Variants in UNC13C observed in about 807,000 individuals in gnomAD.
UNC13C encodes the protein unc-13 homolog C, also known as protein unc-13 homolog C.
Under a neutral mutation model 245.4 loss-of-function variants are expected in UNC13C, and 174 were observed. The ratio of observed to expected loss-of-function variants is 0.71; its 90% CI spans 0.63 to 0.80. The LOEUF (loss-of-function observed/expected upper bound fraction) is 0.80. Among genes scored for constraint, UNC13C ranks in the 30% least tolerant of loss-of-function variants. The pLI, the probability that UNC13C is intolerant of heterozygous loss-of-function variation, is 0.00. For synonymous variants in UNC13C, 992 were observed against 895.1 expected (o/e 1.11, Z -1.93); for missense variants, 2,829 against 2,602.9 (o/e 1.09, Z -1.89).
intron 2 of UNC13C, among the ~76,000 whole-genome samples, chr15:54,029,370 T>C (rs1037762393): frequency 2.0e-5 from 3 of 152,238 alleles, no homozygotes; most frequent in African/African-American, 7.2e-5. Flanking sequence ...AGGCACATGA[T>C]ACAAACACGT....
At chr15:54,474,196 G>A (rs540192510) in intron 19 of UNC13C, among the ~76,000 whole-genome samples, 1 of 152,016 alleles carries the variant, frequency 6.6e-6, no homozygotes, top group East Asian at 1.9e-4. Context: ...ATACCCAGTA[G>A]TGGAATTGCC....
At chr15:54,301,289 G>GTTT (rs10548904) in intron 13 of UNC13C, among the ~76,000 whole-genome samples, 1 of 140,362 alleles carries the variant, frequency 7.1e-6, no homozygotes, top group Non-Finnish European at 1.6e-5. Flanking sequence ...ATTTTCTTTT[G>GTTT]TTTTTTTTTT....
At chr15:54,379,559 G>A (rs1463690389) in intron 17 of UNC13C, among the ~76,000 whole-genome samples, 2 of 151,924 alleles carry the variant, frequency 1.3e-5, no homozygotes, top group Non-Finnish European at 2.9e-5. Flanking sequence ...CTACGAACAT[G>A]AGACTTCATA....
At chr15:54,583,732 CT>C (rs1233656429) in intron 30 of UNC13C, among the ~76,000 whole-genome samples, 1 of 152,220 alleles carries the variant, frequency 6.6e-6, no homozygotes, top group African/African-American at 2.4e-5. Context: ...TGTATCACCT[CT>C]GGTCTGGGTA....
intron 4 of UNC13C, among the ~76,000 whole-genome samples, chr15:54,194,740 A>ACT (rs1285208175): frequency 6.6e-6 from 1 of 152,160 alleles, no homozygotes; most frequent in Non-Finnish European, 1.5e-5. Context: ...ATAAGAAAGG[A>ACT]CATTATCTGA....
intron 4 of UNC13C, among the ~76,000 whole-genome samples, chr15:54,154,354 A>C (rs1023245558): frequency 1.3e-5 from 2 of 152,160 alleles, no homozygotes; most frequent in Non-Finnish European, 2.9e-5. Context: ...TTAACTGGAA[A>C]AGATAAAAAT....
chr15:53,943,451 CAATA>C, the UNC13C span, among the ~76,000 whole-genome samples: 1 of 152,034 alleles, frequency 6.6e-6, no homozygotes, highest in African/African-American at 2.4e-5. Flanking sequence ...AACAGCAACA[CAATA>C]AAAACAAGAA....
intron 2 of UNC13C, among the ~76,000 whole-genome samples, chr15:54,104,215 T>C (rs1900318035): frequency 6.6e-6 from 1 of 152,228 alleles, no homozygotes; most frequent in South Asian, 2.1e-4. Flanking sequence ...TTCCCTTCAT[T>C]GTCCTTAAAC....
chr15:54,528,318 C>CTT (rs33919757), intron 25 of UNC13C, among the ~76,000 whole-genome samples: 1 of 141,008 alleles, frequency 7.1e-6, no homozygotes, highest in Non-Finnish European at 1.6e-5. Context: ...TGGTTTGCTC[C>CTT]TTTTTTTTTT....
chr15:54,087,655 C>A (rs1457960062), intron 2 of UNC13C, among the ~76,000 whole-genome samples: 1 of 152,028 alleles, frequency 6.6e-6, no homozygotes, highest in African/African-American at 2.4e-5. Context: ...CAAAACTACT[C>A]CAGTTACCAC....
chr15:54,013,808 C>T lies in UNC13C; in HGVS notation c.905C>T (p.Thr302Ile). 1.2e-6 allele frequency: 2 copies of T among 1,612,042 alleles called. No individual in the cohort carries two copies. Among genetic ancestry groups the T allele is most frequent in the Middle Eastern group, 1.7e-4 (1 of 6,032 alleles). ...GGGTTTGTCCAGTCTCGGAGGGAAA[C>T]TAGAGACATCCATGATTATATTAAG... is the stretch of plus-strand genomic sequence containing the variant. ...RTGFVQSRRE[T>I]RDIHDYIKHL... The change falls in exon 2 of 33, where the codon ACT becomes ATT. Residue 302 changes from threonine to isoleucine, a missense_variant. Thr to Ile is a moderately conservative substitution (Grantham distance 89, BLOSUM62 -1). Transcript: ENST00000260323.
At position 54,399,603 on chromosome 15, in the gene UNC13C, C is replaced by T. The variant is rs1312938920; in HGVS notation, c.4847+6422C>T. Among the ~76,000 whole-genome samples, 3 of 151,950 alleles carry T rather than the reference C, an allele frequency of 2.0e-5. No individual in the cohort carries two copies. In the East Asian group the frequency reaches 5.8e-4, roughly 29 times the overall value. On this transcript the variant is annotated intron_variant, in intron 18 of 32. Coordinates refer to ENST00000260323, the MANE Select transcript of UNC13C (RefSeq NM_001080534.3). Reference sequence around the variant, plus strand: ...ACAGTGAAGTCTCAACTCATTTTCTCTCTGCATTAAGTGTAGATAGCAGAA... The same window carrying T: ...ACAGTGAAGTCTCAACTCATTTTCTTTCTGCATTAAGTGTAGATAGCAGAA...
At chr15:54,176,743 G>A (rs973017481) in intron 4 of UNC13C, among the ~76,000 whole-genome samples, 1 of 152,008 alleles carries the variant, frequency 6.6e-6, no homozygotes, top group Non-Finnish European at 1.5e-5. Context: ...TTTGACATGG[G>A]TTTAATATTT....
intron 7 of UNC13C, among the ~76,000 whole-genome samples, chr15:54,249,050 T>A (rs999527172): frequency 4.6e-5 from 7 of 152,176 alleles, no homozygotes; most frequent in Non-Finnish European, 7.4e-5. Context: ...CCTACAGGGT[T>A]TATGTAAATA....
chr15:54,043,415 C>T (rs910691613), intron 2 of UNC13C, among the ~76,000 whole-genome samples: 2 of 152,166 alleles, frequency 1.3e-5, no homozygotes, highest in African/African-American at 2.4e-5. Context: ...GTCAAAGTTT[C>T]CCAGTTCTCT....
chr15:54,071,260 A>G (rs1015789981), intron 2 of UNC13C, among the ~76,000 whole-genome samples: 30 of 152,154 alleles, frequency 2.0e-4, no homozygotes, highest in African/African-American at 6.8e-4. Flanking sequence ...ATAAATATCA[A>G]TATTCTTGTG....
chr15:53,887,525 AT>A, the UNC13C span, among the ~76,000 whole-genome samples: 1 of 152,176 alleles, frequency 6.6e-6, no homozygotes. Context: ...CGTATCAGAT[AT>A]GACATTAATA....
chr15:53,961,642 A>G, the UNC13C span, among the ~76,000 whole-genome samples: 7 of 152,218 alleles, frequency 4.6e-5, no homozygotes, highest in Non-Finnish European at 1.0e-4. Flanking sequence ...GGTTGCTGAG[A>G]GCATGTTAAA....
intron 1 of UNC13C, among the ~76,000 whole-genome samples, chr15:53,998,658 G>A (rs1894744367): frequency 6.6e-6 from 1 of 152,080 alleles, no homozygotes; most frequent in South Asian, 2.1e-4. Flanking sequence ...GTTAAATACA[G>A]GTGGTGAGAG....
Sources: gnomAD v4.1 joint callset for allele counts (sites outside exome capture counted in the v4.1 genomes callset) on GRCh38, gnomAD v4.1.1 for gene constraint, MANE v1.5 for transcripts, NCBI Gene and HGNC (gene_info 2026-07-23, HGNC 2026-07-21) for gene names.